Variants in KMT2C observed in about 807,000 individuals in gnomAD.
The protein encoded by KMT2C is lysine methyltransferase 2C, also known as histone-lysine N-methyltransferase 2C.
KMT2C carries 88 observed loss-of-function variants against 507.9 expected under a neutral mutation model. That is an observed-to-expected ratio of 0.17 (90% confidence interval 0.15 to 0.21). The LOEUF is 0.21. Among genes scored for constraint, KMT2C ranks in the 10% least tolerant of loss-of-function variants. KMT2C has a pLI of 1.00. For synonymous variants in KMT2C, 2,049 were observed against 2,080.8 expected (o/e 0.98, Z 0.42); for missense variants, 4,954 against 5,957.8 (o/e 0.83, Z 5.55).
chr7:152,427,511 C>G (rs1229864323), intron 1 of KMT2C, among the ~76,000 whole-genome samples: 2 of 152,166 alleles, frequency 1.3e-5, no homozygotes, highest in Non-Finnish European at 2.9e-5. Flanking sequence ...AGATCTATCT[C>G]TATGTCTTGA....
At chr7:152,365,135 A>G (rs185617653) in intron 1 of KMT2C, among the ~76,000 whole-genome samples, 1 of 152,354 alleles carries the variant, frequency 6.6e-6, no homozygotes, top group East Asian at 1.9e-4. Flanking sequence ...TAAAAAACAT[A>G]TTTAAAGTAC....
intron 1 of KMT2C, among the ~76,000 whole-genome samples, chr7:152,403,898 C>T (rs565218689): frequency 5.3e-5 from 8 of 150,746 alleles, no homozygotes; most frequent in African/African-American, 2.0e-4. Flanking sequence ...TGTGGAATAA[C>T]GACACTGGAG....
At position 152,180,113 on chromosome 7, in the gene KMT2C, C is replaced by A. The variant is rs2093381449; in HGVS notation, c.7163G>T (p.Arg2388Leu). 4 of 1,614,132 alleles carry A rather than the reference C, an allele frequency of 2.5e-6. No individual in the cohort carries two copies. The highest frequency in any genetic ancestry group is 3.4e-6 in the Non-Finnish European group (4 of 1,180,020). Residue 2388 changes from arginine (R) to leucine (L), a missense_variant, in exon 37 of 59, where the codon CGT (arginine) becomes CTT (leucine). This residue lies in a region of KMT2C where 1,689 missense variants were observed against 1,654.3 expected (regional missense o/e 1.02). Coordinates refer to ENST00000262189, the MANE Select transcript of KMT2C (RefSeq NM_170606.3). ...CTGTTGCTGCTGGAGAATGATTTCA[C>A]GTAACTTCTGCCGCTAAATGGGAAG... Reference protein sequence around the residue: ...TEKLRQRQKLREIILQQQQQK... With the variant: ...TEKLRQRQKLLEIILQQQQQK...
intron 1 of KMT2C, among the ~76,000 whole-genome samples, chr7:152,359,949 TGAGGCA>T (rs2097182135): frequency 1.3e-5 from 2 of 150,218 alleles, no homozygotes; most frequent in Admixed American, 1.3e-4. Flanking sequence ...CTTGGGAGGC[TGAGGCA>T]CAAGAATCGC....
chr7:152,320,131 C>T (rs934649141), intron 3 of KMT2C, among the ~76,000 whole-genome samples: 1 of 152,130 alleles, frequency 6.6e-6, no homozygotes, highest in Non-Finnish European at 1.5e-5. Flanking sequence ...TGGGGCTGGA[C>T]CCTACAAATT....
chr7:152,362,185 T>G (rs942618332), intron 1 of KMT2C, among the ~76,000 whole-genome samples: 1 of 152,202 alleles, frequency 6.6e-6, no homozygotes, highest in Non-Finnish European at 1.5e-5. Flanking sequence ...TAAAATAAAA[T>G]TTTGTAAGGA....
At chr7:152,266,217 A>C (rs2095855990) in intron 7 of KMT2C, among the ~76,000 whole-genome samples, 1 of 152,012 alleles carries the variant, frequency 6.6e-6, no homozygotes, top group East Asian at 1.9e-4. Flanking sequence ...CCTGTATTTA[A>C]CAAGTATCAC....
intron 31 of KMT2C, among the ~76,000 whole-genome samples, chr7:152,189,144 T>C (rs1396816762): frequency 2.0e-5 from 3 of 152,180 alleles, no homozygotes; most frequent in African/African-American, 7.2e-5. Flanking sequence ...AAAAGGACCA[T>C]CTTATGCTTC....
At chr7:152,380,817 G>A (rs540638151) in intron 1 of KMT2C, among the ~76,000 whole-genome samples, 34 of 151,552 alleles carry the variant, frequency 2.2e-4, no homozygotes, top group Non-Finnish European at 4.3e-4. Context: ...AGGAGGGGTA[G>A]CACGAATGGC....
At chr7:152,305,736 C>T (rs2096610641) in intron 6 of KMT2C, among the ~76,000 whole-genome samples, 2 of 152,130 alleles carry the variant, frequency 1.3e-5, no homozygotes, top group South Asian at 4.1e-4. Context: ...GGAGCTCCTT[C>T]AGGTAGGTTC....
chr7:152,246,800 G>C (rs1355403138), intron 14 of KMT2C, among the ~76,000 whole-genome samples: 3 of 152,054 alleles, frequency 2.0e-5, no homozygotes, highest in Non-Finnish European at 2.9e-5. Context: ...CATATATAAA[G>C]AGTGGCCTAG....
intron 2 of KMT2C, among the ~76,000 whole-genome samples, chr7:152,356,359 G>A (rs1350033737): frequency 1.3e-5 from 2 of 152,062 alleles, no homozygotes; most frequent in African/African-American, 4.8e-5. Context: ...CGGATCACGT[G>A]AGATCAGGAG....
chr7:152,370,462 C>T (rs2097285538), intron 1 of KMT2C, among the ~76,000 whole-genome samples: 1 of 152,192 alleles, frequency 6.6e-6, no homozygotes, highest in South Asian at 2.1e-4. Context: ...ACCAACTCTA[C>T]AGAATCCCTT....
At chr7:152,215,213 C>G (rs886685138) in intron 23 of KMT2C, among the ~76,000 whole-genome samples, 1 of 151,910 alleles carries the variant, frequency 6.6e-6, no homozygotes, top group Non-Finnish European at 1.5e-5. Context: ...GTACTATTCA[C>G]AGTAAAAGAC....
chr7:152,293,211 G>A (rs1467724570), intron 6 of KMT2C, among the ~76,000 whole-genome samples: 1 of 152,140 alleles, frequency 6.6e-6, no homozygotes, highest in Non-Finnish European at 1.5e-5. Context: ...TTCAAATGTG[G>A]AGGAAAAAGA....
At position 152,163,749 on chromosome 7, in the gene KMT2C, G is replaced by T. The variant is rs1189885230; in HGVS notation, c.9828C>A (p.Ala3276=). 9.3e-6 allele frequency: 15 copies of T among 1,614,158 alleles called. No individual in the cohort carries two copies. Among genetic ancestry groups the T allele is most frequent in the Non-Finnish European group, 1.3e-5 (15 of 1,180,030 alleles). Residue 3276 remains alanine (A), a synonymous_variant, in exon 43 of 59, where the codon GCC becomes GCA. Transcript: ENST00000262189. ...RIKQQQQCAM[A]PPTMMPSVQP... Reference sequence around the variant, plus strand: ...GGACACTGGGCATCATGGTAGGTGGGGCCATTGCACATTGCTGCTGCTGTT... The same window carrying T: ...GGACACTGGGCATCATGGTAGGTGGTGCCATTGCACATTGCTGCTGCTGTT...
intron 23 of KMT2C, among the ~76,000 whole-genome samples, chr7:152,211,720 A>G (rs1428782613): frequency 6.6e-6 from 1 of 152,172 alleles, no homozygotes; most frequent in African/African-American, 2.4e-5. Context: ...CATCTTCACA[A>G]GGGCCTTCTG....
chr7:152,214,343 C>T (rs2094521667), intron 23 of KMT2C, among the ~76,000 whole-genome samples: 1 of 152,054 alleles, frequency 6.6e-6, no homozygotes, highest in African/African-American at 2.4e-5. Context: ...ATTTACTTAC[C>T]CATTCAAGGA....
At chr7:152,266,866 G>C (rs1392984751) in intron 7 of KMT2C, among the ~76,000 whole-genome samples, 1 of 152,308 alleles carries the variant, frequency 6.6e-6, no homozygotes, top group Non-Finnish European at 1.5e-5. Flanking sequence ...CTTCATGAAG[G>C]CTGGCTTAGC....
Sources: allele counts gnomAD v4.1 joint callset (sites outside exome capture counted in the v4.1 genomes callset), GRCh38; gene constraint gnomAD v4.1.1; regional missense constraint gnomAD v4.1.1; transcripts MANE v1.5; gene names NCBI Gene and HGNC (gene_info 2026-07-23, HGNC 2026-07-21).